Variants in NXPE1 observed in about 807,000 individuals in gnomAD.
NXPE1 encodes the protein NXPE family member 1.
NXPE1 carries 31 observed loss-of-function variants against 33.3 expected under a neutral mutation model. That is an observed-to-expected ratio of 0.93 (90% CI 0.70 to 1.26). The LOEUF (loss-of-function observed/expected upper bound fraction) is 1.26. Ranked by LOEUF, NXPE1 falls within the 50% of genes most tolerant of loss-of-function variation. The pLI, the probability that NXPE1 is intolerant of heterozygous loss-of-function variation, is 0.00. For synonymous variants in NXPE1, 229 were observed against 231.4 expected, an observed-to-expected ratio of 0.99 and a Z score of 0.09; for missense variants, 661 against 655.6, an observed-to-expected ratio of 1.01 and a Z score of -0.09.
At chr11:114,559,513 C>G (rs904042277) in intron 1 of NXPE1, among the ~76,000 whole-genome samples, 2 of 152,106 alleles carry the variant, frequency 1.3e-5, no homozygotes, top group Non-Finnish European at 2.9e-5. Context: ...GCACTGGGGA[C>G]TTTTGCTGGT....
At position 114,548,281 on chromosome 11, in the gene NXPE1, G is replaced by T. The variant is rs113058641; in HGVS notation, c.99+2822C>A. On this transcript the variant is annotated intron_variant, in intron 5 of 8. Coordinates refer to ENST00000534921, the Ensembl canonical transcript of NXPE1. ...ATTTATAGCATGCCAAGTGAACAAAGTTAGTAAGGCTATTAAAGAACTAAT... is the reference window on the plus strand; with the variant it reads ...ATTTATAGCATGCCAAGTGAACAAATTTAGTAAGGCTATTAAAGAACTAAT... 2.6e-3 allele frequency among the ~76,000 whole-genome samples: 392 copies of T among 152,172 alleles called. 2 individuals carry two copies. Among genetic ancestry groups the T allele is most frequent in the African/African-American group, 9.0e-3 (376 of 41,554 alleles).
intron 5 of NXPE1, among the ~76,000 whole-genome samples, chr11:114,541,304 G>C (rs1388650395): frequency 1.3e-5 from 2 of 152,150 alleles, no homozygotes; most frequent in Non-Finnish European, 2.9e-5. Context: ...CCAACCCTGA[G>C]ATAACATAGA....
intron 8 of NXPE1, 65 bp downstream of exon 8, chr11:114,522,814 A>T (rs1282707542): frequency 1.8e-6 from 2 of 1,142,390 alleles, no homozygotes; most frequent in East Asian, 4.7e-5. Context: ...GAGAGAATAG[A>T]GACCTCATTA....
intron 5 of NXPE1, among the ~76,000 whole-genome samples, chr11:114,535,027 G>A (rs1043282864): frequency 6.6e-6 from 1 of 152,226 alleles, no homozygotes; most frequent in African/African-American, 2.4e-5. Flanking sequence ...AGGGCAGCCA[G>A]AGAGAAAGGT....
At chr11:114,555,204 A>T (rs1047444233) in intron 1 of NXPE1, among the ~76,000 whole-genome samples, 6 of 152,078 alleles carry the variant, frequency 3.9e-5, no homozygotes, top group Non-Finnish European at 5.9e-5. Flanking sequence ...TTACTGAGGT[A>T]TAATTTACAT....
intron 7 of NXPE1, 115 bp downstream of exon 7, chr11:114,527,725 T>C: frequency 1.6e-6 from 1 of 619,986 alleles, no homozygotes; most frequent in East Asian, 2.8e-5. Flanking sequence ...TCCAGCATGA[T>C]TGACATCATA....
At chr11:114,559,033 A>G (rs1948718975) in intron 1 of NXPE1, among the ~76,000 whole-genome samples, 1 of 152,260 alleles carries the variant, frequency 6.6e-6, no homozygotes. Flanking sequence ...TACCTGTAAT[A>G]TGAAGAGCTC....
chr11:114,520,309 G>C (rs182431204), downstream of NXPE1, among the ~76,000 whole-genome samples: 312 of 152,142 alleles, frequency 2.1e-3, 1 homozygote, highest in African/African-American at 7.3e-3. Flanking sequence ...CTGTTTCTAT[G>C]TGTAGTTTTT....
intron 5 of NXPE1, among the ~76,000 whole-genome samples, chr11:114,542,877 T>C (rs1217939873): frequency 6.6e-6 from 1 of 152,170 alleles, no homozygotes; most frequent in Non-Finnish European, 1.5e-5. Flanking sequence ...ATATATATGA[T>C]TATAACACAA....
chr11:114,522,415 T>C, exon 9 of NXPE1: 2 of 1,614,092 alleles, frequency 1.2e-6, no homozygotes, highest in Middle Eastern at 1.6e-4. Flanking sequence ...AGCTATGTTT[T>C]TTCCATTGAA....
intron 5 of NXPE1, among the ~76,000 whole-genome samples, chr11:114,532,993 G>A (rs1947640477): frequency 6.6e-6 from 1 of 152,070 alleles, no homozygotes; most frequent in African/African-American, 2.4e-5. Flanking sequence ...TTCAGTAATA[G>A]GAAACCTTAA....
downstream of NXPE1, among the ~76,000 whole-genome samples, chr11:114,520,911 C>T (rs7103402): frequency 0.24 from 35,920 of 152,102 alleles, 6,137 homozygotes; most frequent in African/African-American, 0.48. Flanking sequence ...CCTGCTGTTA[C>T]AAAGCTTTAA....
chr11:114,526,056 G>A (rs539591247), intron 7 of NXPE1, among the ~76,000 whole-genome samples: 52 of 152,308 alleles, frequency 3.4e-4, no homozygotes, highest in African/African-American at 1.1e-3. Context: ...GGAAGAGGGA[G>A]GCAGAAGAGT....
At chr11:114,528,928 C>A in intron 6 of NXPE1, 1 of 502,762 alleles carries the variant, frequency 2.0e-6, no homozygotes, top group Non-Finnish European at 3.7e-6. Context: ...GATGTACCAT[C>A]AGAGATAAAA....
intron 1 of NXPE1, among the ~76,000 whole-genome samples, chr11:114,556,964 C>T (rs539679677): frequency 6.6e-6 from 1 of 151,048 alleles, no homozygotes; most frequent in African/African-American, 2.4e-5. Context: ...ACTATCTTGG[C>T]TCACTGCAAC....
At position 114,533,647 on chromosome 11, in the gene NXPE1, C is replaced by A. The variant is rs539594769; in HGVS notation, c.100-2739G>T. Among the ~76,000 whole-genome samples, 569 of 152,364 alleles carry A rather than the reference C, an allele frequency of 3.7e-3. 4 individuals carry two copies. The highest frequency in any genetic ancestry group is 0.011 in the African/African-American group (467 of 41,580). ...CACACCAGGAGATTATATCCCGCAC[C>A]TGGCTCAGAGGGTCCTACGCCCACG... On this transcript the variant is annotated intron_variant, in intron 5 of 8. Coordinates refer to ENST00000534921, the Ensembl canonical transcript of NXPE1.
At chr11:114,556,347 G>A (rs1474729315) in intron 1 of NXPE1, among the ~76,000 whole-genome samples, 5 of 152,164 alleles carry the variant, frequency 3.3e-5, no homozygotes, top group Non-Finnish European at 7.3e-5. Context: ...TTATTCAGCA[G>A]TTGTTCTGTG....
At chr11:114,557,469 C>A (rs1241232803) in intron 1 of NXPE1, among the ~76,000 whole-genome samples, 1 of 151,314 alleles carries the variant, frequency 6.6e-6, no homozygotes, top group African/African-American at 2.4e-5. Context: ...TATTTTATTT[C>A]TTTTAGAGAT....
At chr11:114,548,279 AAGTT>A (rs1185561523) in intron 5 of NXPE1, among the ~76,000 whole-genome samples, 2 of 152,166 alleles carry the variant, frequency 1.3e-5, no homozygotes, top group Non-Finnish European at 2.9e-5. Context: ...CAAGTGAACA[AAGTT>A]AGTAAGGCTA....
Sources: allele counts gnomAD v4.1 joint callset (sites outside exome capture counted in the v4.1 genomes callset), GRCh38; gene constraint gnomAD v4.1.1; transcripts MANE v1.5; gene names NCBI Gene and HGNC (gene_info 2026-07-23, HGNC 2026-07-21).